Variants in PLCB4 observed in about 807,000 individuals in gnomAD.
The protein encoded by PLCB4 is phospholipase C beta 4, also known as 1-phosphatidylinositol 4,5-bisphosphate phosphodiesterase beta-4.
Under a neutral mutation model 178.8 loss-of-function variants are expected in PLCB4, and 77 were observed. The ratio of observed to expected loss-of-function variants is 0.43; its 90% CI spans 0.36 to 0.52. PLCB4 has a LOEUF of 0.52. Among genes scored for constraint, PLCB4 ranks in the 20% least tolerant of loss-of-function variants. The pLI is 0.00. For synonymous variants in PLCB4, 496 were observed against 490.8 expected (o/e 1.01, Z -0.14); for missense variants, 1,024 against 1,453.4 (o/e 0.70, Z 4.80).
intron 35 of PLCB4, among the ~76,000 whole-genome samples, chr20:9,462,269 A>G (rs1237159204): frequency 2.0e-5 from 3 of 152,008 alleles, no homozygotes; most frequent in Admixed American, 1.3e-4. Context: ...GGTCACCAAC[A>G]TCAAAGACAA....
At chr20:9,089,199 T>C (rs987193436) in intron 1 of PLCB4, among the ~76,000 whole-genome samples, 2 of 151,902 alleles carry the variant, frequency 1.3e-5, no homozygotes, top group Non-Finnish European at 2.9e-5. Context: ...GGTGACAATA[T>C]GATAAGAAGT....
chr20:9,379,027 T>A (rs2036918445), intron 12 of PLCB4, among the ~76,000 whole-genome samples: 1 of 152,204 alleles, frequency 6.6e-6, no homozygotes, highest in Non-Finnish European at 1.5e-5. Flanking sequence ...AAGGTCCTAT[T>A]TATTGACCAG....
At position 9,380,005 on chromosome 20, in the gene PLCB4, C is replaced by T. The variant is rs2037004411; in HGVS notation, c.745-49C>T. 6 of 970,034 alleles carry T rather than the reference C, an allele frequency of 6.2e-6. No individual in the cohort carries two copies. The East Asian group carries it at 9.7e-5, about 16-fold the overall frequency. The allele number at this position is 970,034 out of a possible 1,614,324, so 60.1% of individuals were successfully genotyped here. ...TTATAAACTTAGTAATGTCTAATGC[C>T]TCAAGGCCAAGAAATATCAACCTAA... On this transcript the variant is annotated intron_variant, in intron 12 of 39. Coordinates refer to ENST00000378473, the MANE Select transcript of PLCB4 (RefSeq NM_001377142.1).
intron 2 of PLCB4, among the ~76,000 whole-genome samples, chr20:9,167,072 C>T (rs2092985103): frequency 1.3e-5 from 2 of 151,846 alleles, no homozygotes; most frequent in South Asian, 4.2e-4. Flanking sequence ...CTAACTGTAA[C>T]TCGAATAGAG....
At chr20:9,457,716 T>C (rs2122396419) in intron 34 of PLCB4, among the ~76,000 whole-genome samples, 1 of 152,304 alleles carries the variant, frequency 6.6e-6, no homozygotes, top group Non-Finnish European at 1.5e-5. Context: ...TCTGTTGAAC[T>C]ATGCTAACAA....
intron 12 of PLCB4, among the ~76,000 whole-genome samples, chr20:9,375,160 TGTCGGCTTGAA>T (rs1473464254): frequency 6.6e-6 from 1 of 152,180 alleles, no homozygotes; most frequent in African/African-American, 2.4e-5. Context: ...AAAACATGAA[TGTCGGCTTGAA>T]GAAGCCTTGT....
intron 2 of PLCB4, among the ~76,000 whole-genome samples, chr20:9,104,187 G>A (rs1352923380): frequency 1.3e-5 from 2 of 152,206 alleles, no homozygotes; most frequent in Non-Finnish European, 2.9e-5. Flanking sequence ...GATGCCAGCA[G>A]TTGGCTGGGA....
At chr20:9,120,325 C>T (rs1412512575) in intron 2 of PLCB4, among the ~76,000 whole-genome samples, 1 of 152,146 alleles carries the variant, frequency 6.6e-6, no homozygotes, top group Non-Finnish European at 1.5e-5. Context: ...CATCTGTTCT[C>T]CCTTGACACG....
chr20:9,297,770 G>A (rs755907971), intron 3 of PLCB4, among the ~76,000 whole-genome samples: 5 of 152,024 alleles, frequency 3.3e-5, no homozygotes, highest in Admixed American at 6.6e-5. Flanking sequence ...CTTTTAATAC[G>A]ATTTCAGCTC....
Position 9,437,072 on chromosome 20 carries a change from C to G in PLCB4, c.2684C>G (p.Ala895Gly), listed in dbSNP as rs752111496. 1.2e-6 allele frequency: 2 copies of G among 1,614,014 alleles called. No homozygotes were observed. The highest frequency in any genetic ancestry group is 3.3e-5 in the Admixed American group (2 of 60,026). ...AAAGGAAAGGCCAACACCGCCAAAG[C>G]AAATGTGACCCCTCAGAGTAGCTCT... ...DKKGKANTAK[A>G]NVTPQSSSEL... The change falls in exon 30 of 40, where the codon GCA becomes GGA. Residue 895 changes from alanine to glycine, a missense_variant. Coordinates refer to ENST00000378473, the MANE Select transcript of PLCB4 (RefSeq NM_001377142.1).
chr20:9,207,329 GC>G (rs1427926316), intron 2 of PLCB4, among the ~76,000 whole-genome samples: 1 of 152,164 alleles, frequency 6.6e-6, no homozygotes, highest in Admixed American at 6.5e-5. Flanking sequence ...TAGGCAAGGG[GC>G]CCTAGTACAT....
intron 1 of PLCB4, among the ~76,000 whole-genome samples, chr20:9,076,386 G>T (rs146485273): frequency 6.6e-6 from 1 of 152,102 alleles, no homozygotes; most frequent in African/African-American, 2.4e-5. Flanking sequence ...AGAATTGCTC[G>T]AACCTCGGAG....
chr20:9,110,950 A>AT (rs932438751), intron 2 of PLCB4, among the ~76,000 whole-genome samples: 7 of 152,180 alleles, frequency 4.6e-5, no homozygotes, highest in Admixed American at 1.3e-4. Flanking sequence ...TCTTTCATCA[A>AT]TTTTTTTGAC....
chr20:9,205,240 A>T lies in PLCB4; in HGVS notation c.-78-12150A>T, dbSNP rs2093601996. Among the ~76,000 whole-genome samples, 6 of 152,342 alleles carry T rather than the reference A, an allele frequency of 3.9e-5. No individual in the cohort carries two copies. The South Asian group carries it at 1.2e-3, about 32-fold the overall frequency. ...GATATTCAACGCTTAACTATAAAAT[A>T]GGCTTTGTGTTAGATGATTTTGCTC... On this transcript the variant is annotated intron_variant, in intron 2 of 39. Transcript: ENST00000378473.
chr20:9,220,270 A>C (rs997678048), intron 3 of PLCB4, among the ~76,000 whole-genome samples: 1 of 152,220 alleles, frequency 6.6e-6, no homozygotes, highest in South Asian at 2.1e-4. Context: ...TTTAGTTTGG[A>C]AGATACACTG....
chr20:9,265,732 A>G lies in PLCB4; in HGVS notation c.-15-42068A>G, dbSNP rs866529639. Reference sequence around the variant, plus strand: ...AGCTGCCATACTTGATTATTCTCTGATGGTAAAAATCTTCCATTAGCATAA... The same window carrying G: ...AGCTGCCATACTTGATTATTCTCTGGTGGTAAAAATCTTCCATTAGCATAA... On this transcript the variant is annotated intron_variant, in intron 3 of 39. Transcript: ENST00000378473. 9.8e-5 allele frequency among the ~76,000 whole-genome samples: 15 copies of G among 152,292 alleles called. No individual in the cohort carries two copies. In the Middle Eastern group the frequency reaches 0.01, roughly 104 times the overall value.
chr20:9,328,878 C>T lies in PLCB4; in HGVS notation c.85-8248C>T, dbSNP rs181123330. Among the ~76,000 whole-genome samples, 5 of 152,274 alleles carry T rather than the reference C, an allele frequency of 3.3e-5. No individual in the cohort carries two copies. The East Asian group carries it at 9.7e-4, about 29-fold the overall frequency. ...ACAAAAGAAAGAGAAGAGCTCTCTGCACAGAAAGGGCTCCTGGAGAAAATG... is the reference window on the plus strand; with the variant it reads ...ACAAAAGAAAGAGAAGAGCTCTCTGTACAGAAAGGGCTCCTGGAGAAAATG... On this transcript the variant is annotated intron_variant, in intron 4 of 39. Coordinates refer to ENST00000378473, the MANE Select transcript of PLCB4 (RefSeq NM_001377142.1).
At chr20:9,357,829 T>A (rs1372536190) in intron 7 of PLCB4, among the ~76,000 whole-genome samples, 1 of 152,202 alleles carries the variant, frequency 6.6e-6, no homozygotes, top group African/African-American at 2.4e-5. Context: ...ATATATTGTA[T>A]TTTGTTGTGT....
intron 4 of PLCB4, among the ~76,000 whole-genome samples, chr20:9,320,488 C>G (rs2147955478): frequency 6.6e-6 from 1 of 152,246 alleles, no homozygotes; most frequent in South Asian, 2.1e-4. Context: ...TGCTGACCTC[C>G]TCTCTCATCC....
Sources: allele counts gnomAD v4.1 joint callset (sites outside exome capture counted in the v4.1 genomes callset), GRCh38; gene constraint gnomAD v4.1.1; transcripts MANE v1.5; gene names NCBI Gene and HGNC (gene_info 2026-07-23, HGNC 2026-07-21).